The following DPP6 variants were observed in gnomAD, a reference collection of about 807,000 sequenced individuals.
DPP6 encodes the protein A-type potassium channel modulatory protein DPP6.
A neutral mutation model predicts 122.6 loss-of-function variants in DPP6; 69 were observed. The ratio of observed to expected loss-of-function variants is 0.56; its 90% confidence interval spans 0.46 to 0.69. The LOEUF (loss-of-function observed/expected upper bound fraction) is 0.69. Ranked by LOEUF, DPP6 falls within the 30% of genes least tolerant of loss-of-function variation. The probability of loss-of-function intolerance (pLI) is 0.00; values close to 1 mark genes in which losing one functional copy is unlikely to be tolerated. For synonymous variants in DPP6, 418 were observed against 433.1 expected, an observed-to-expected ratio of 0.97 and a Z score of 0.43; for missense variants, 928 against 1,116.9, an observed-to-expected ratio of 0.83 and a Z score of 2.41.
rs773227930 is a variant in DPP6 at position 154,298,268 on chromosome 7, C to CCACACACACACACACACACACACA, written c.244-147934_244-147933insCACACACACACACACACACACACA. Among the ~76,000 whole-genome samples, 895 of 150,416 alleles carry CCACACACACACACACACACACACA rather than the reference C, an allele frequency of 6.0e-3. 6 individuals are homozygous for CCACACACACACACACACACACACA. The highest frequency in any genetic ancestry group is 8.9e-3 in the Non-Finnish European group (599 of 67,622). On this transcript the variant is annotated intron_variant, in intron 1 of 25. Coordinates refer to ENST00000377770, the MANE Select transcript of DPP6 (RefSeq NM_130797.4). ...TCCTTAAAAATCTGTCTCTCTCTCT[C>CCACACACACACACACACACACACA]CACACACACACATACACACACTATT...
intron 18 of DPP6, among the ~76,000 whole-genome samples, chr7:154,871,185 G>T (rs1172354076): frequency 1.3e-5 from 2 of 152,114 alleles, no homozygotes; most frequent in African/African-American, 4.8e-5. Flanking sequence ...CGCTTCCCAA[G>T]CCTGCAGCAC....
chr7:154,225,897 A>T (rs910824202), intron 1 of DPP6, among the ~76,000 whole-genome samples: 3 of 152,160 alleles, frequency 2.0e-5, no homozygotes, highest in African/African-American at 7.2e-5. Flanking sequence ...TCGTATAGCA[A>T]GCAATGCTTC....
intron 5 of DPP6, among the ~76,000 whole-genome samples, chr7:154,623,755 A>G (rs1253738748): frequency 1.3e-5 from 2 of 152,244 alleles, no homozygotes; most frequent in East Asian, 3.8e-4. Context: ...CTGAAAATAT[A>G]AATTGGGATT....
rs575660700 is a variant in DPP6 at position 154,483,535 on chromosome 7, T to C, written c.457+8498T>C. ...AGACAGAAGCAAAGCAACTATCTGA[T>C]TGGTTACAGTTATGGAGTTGCCTTA... On this transcript the variant is annotated intron_variant, in intron 3 of 25. Transcript: ENST00000377770. The surrounding 1 kb of genome is among the most constrained non-coding windows in gnomAD (Gnocchi z 8.1). Among the ~76,000 whole-genome samples, 2 of 152,274 alleles carry C rather than the reference T, an allele frequency of 1.3e-5. No homozygotes were observed. Among genetic ancestry groups the C allele is most frequent in the Admixed American group, 6.5e-5 (1 of 15,294 alleles).
intron 2 of DPP6, among the ~76,000 whole-genome samples, chr7:154,462,621 G>A (rs991406478): frequency 6.6e-5 from 10 of 151,830 alleles, no homozygotes; most frequent in African/African-American, 2.4e-4. Flanking sequence ...TATTTGCAGT[G>A]ATTATAAATT....
intron 4 of DPP6, among the ~76,000 whole-genome samples, chr7:154,545,068 C>T (rs772409959): frequency 2.6e-5 from 4 of 152,298 alleles, no homozygotes; most frequent in Middle Eastern, 3.4e-3. Context: ...AAGAGGCACT[C>T]GCAGAACTCT....
intron 1 of DPP6, among the ~76,000 whole-genome samples, chr7:154,409,808 A>T (rs1816443044): frequency 6.6e-6 from 1 of 152,192 alleles, no homozygotes; most frequent in Non-Finnish European, 1.5e-5. Flanking sequence ...GACCTGTGGC[A>T]CCACTTTCAA....
At chr7:154,197,600 A>T (rs2150778254) in intron 1 of DPP6, among the ~76,000 whole-genome samples, 1 of 151,822 alleles carries the variant, frequency 6.6e-6, no homozygotes, top group Admixed American at 6.6e-5. Flanking sequence ...TCCACTTTCC[A>T]CTCTTGACTG....
chr7:154,402,398 C>T (rs1441686717), intron 1 of DPP6, among the ~76,000 whole-genome samples: 3 of 146,916 alleles, frequency 2.0e-5, no homozygotes, highest in Non-Finnish European at 4.5e-5. Flanking sequence ...CACATATACA[C>T]CATGGAATAC....
chr7:154,176,580 CCA>C (rs1797812314), intron 1 of DPP6, among the ~76,000 whole-genome samples: 1 of 152,160 alleles, frequency 6.6e-6, no homozygotes, highest in African/African-American at 2.4e-5. Flanking sequence ...ATGTGTGTGT[CCA>C]GAGTCACCAT....
At position 153,888,679 on chromosome 7, in the gene DPP6, C is replaced by T. The variant is rs528453689; in HGVS notation, c.51+945C>T. Among the ~76,000 whole-genome samples the T allele has an allele frequency of 3.1e-3, 451 of 147,804 alleles. 6 individuals are homozygous for T. The highest frequency in any genetic ancestry group is 0.011 in the African/African-American group (432 of 40,162). ...GGTCTGAGAAGAATCCTCTGACGGT[C>T]CCTTATTTTAAGTTGCTGGCTGGCA... On this transcript the variant is annotated intron_variant, in intron 1 of 25. Transcript: ENST00000404039.
chr7:154,231,677 T>C (rs896379443), intron 1 of DPP6, among the ~76,000 whole-genome samples: 2 of 152,130 alleles, frequency 1.3e-5, no homozygotes, highest in Admixed American at 1.3e-4. Flanking sequence ...CTTCTGTGTC[T>C]CTATGCCTGC....
rs1281915722 is a variant in DPP6 at position 154,061,843 on chromosome 7, AT to A, written c.243+8781del. ...CCCTCTTCCCCCCTTTGCTCTTAGG[AT>A]CCCCATCGCTGGGGGCGGAGGCACC... On this transcript the variant is annotated intron_variant, in intron 1 of 25. Transcript: ENST00000377770. Among the ~76,000 whole-genome samples, 54 of 124,540 alleles carry A rather than the reference AT, an allele frequency of 4.3e-4. 1 individual carries two copies. Among genetic ancestry groups the A allele is most frequent in the Admixed American group, 1.5e-3 (19 of 12,798 alleles). The allele number at this position is 124,540 out of a possible 152,430, so 81.7% of individuals were successfully genotyped here. A position where few individuals can be genotyped will look rare whatever the true frequency, so the allele number is the denominator to read the frequency against.
chr7:154,429,131 A>T (rs1818149167), intron 1 of DPP6, among the ~76,000 whole-genome samples: 1 of 151,428 alleles, frequency 6.6e-6, no homozygotes, highest in Admixed American at 6.6e-5. Flanking sequence ...CATCTGTGTG[A>T]CCTTGGGCAA....
chr7:154,249,344 A>G (rs1277818424), intron 1 of DPP6, among the ~76,000 whole-genome samples: 2 of 152,248 alleles, frequency 1.3e-5, no homozygotes, highest in Non-Finnish European at 2.9e-5. Context: ...CTTTAATTTT[A>G]TAGCGAATGA....
chr7:154,873,220 T>C (rs3807282), intron 19 of DPP6, among the ~76,000 whole-genome samples: 25,337 of 152,194 alleles, frequency 0.17, 2,487 homozygotes, highest in East Asian at 0.54. Flanking sequence ...GCCTTGAAGG[T>C]GTTGGGTCTG....
At chr7:154,806,889 C>G (rs574347292) in intron 15 of DPP6, 105 bp from the exon 16 acceptor site, 147 of 1,463,100 alleles carry the variant, frequency 1.0e-4, no homozygotes, top group Admixed American at 6.5e-4. Context: ...TGTAGCAGGG[C>G]TCCGCAGATC....
chr7:154,013,705 A>G (rs1338250189), intron 1 of DPP6, among the ~76,000 whole-genome samples: 2 of 151,910 alleles, frequency 1.3e-5, no homozygotes, highest in Non-Finnish European at 2.9e-5. Flanking sequence ...TCTTGTCTTT[A>G]TCTTCTATGT....
intron 1 of DPP6, among the ~76,000 whole-genome samples, chr7:154,099,207 A>C (rs1212920702): frequency 6.6e-6 from 1 of 152,234 alleles, no homozygotes; most frequent in African/African-American, 2.4e-5. Context: ...AATTGCAATA[A>C]TGTCCATTCA....
Sources: allele counts gnomAD v4.1 joint callset (sites outside exome capture counted in the v4.1 genomes callset), GRCh38; gene constraint gnomAD v4.1.1; non-coding constraint Gnocchi (gnomAD v3.1); transcripts MANE v1.5; gene names NCBI Gene and HGNC (gene_info 2026-07-23, HGNC 2026-07-21).